Variants in HPS5 observed in about 807,000 individuals in gnomAD.
The protein encoded by HPS5 is HPS5 biogenesis of lysosomal organelles complex 2 subunit 2.
In HPS5, 83 loss-of-function variants were observed where a neutral mutation model predicts 128.0. That is an observed-to-expected ratio of 0.65 (90% CI 0.54 to 0.78). HPS5 has a LOEUF of 0.78. HPS5 is among the 30% of genes least tolerant of loss of function. The pLI is 0.00. For synonymous variants in HPS5, 475 were observed against 470.2 expected (o/e 1.01, Z -0.13); for missense variants, 1,281 against 1,326.2 (o/e 0.97, Z 0.53).
intron 8 of HPS5, among the ~76,000 whole-genome samples, chr11:18,304,264 T>C (rs371104122): frequency 1.3e-5 from 2 of 151,748 alleles, no homozygotes; most frequent in African/African-American, 4.8e-5. Context: ...TGGCCCAGGC[T>C]GGAGTGCAAT....
chr11:18,310,847 C>T lies in HPS5; in HGVS notation c.371G>A (p.Arg124Gln), dbSNP rs1397165287. 2 of 1,613,056 alleles carry T rather than the reference C, an allele frequency of 1.2e-6. 1 individual carries two copies. The highest frequency in any genetic ancestry group is 2.2e-5 in the South Asian group (2 of 91,024). ...QMYVSSEHKG[R>Q]RVTALCWDTA... ...ATCCCAGCAGAGAGCTGTGACTCTT[C>T]GGCCTTTGTGTTCTGAAGACACATA... is the stretch of plus-strand genomic sequence containing the variant. The change falls in exon 5 of 23, where the codon CGA (arginine) becomes CAA (glutamine). Residue 124 changes from arginine (R) to glutamine (Q), a missense_variant. Coordinates refer to ENST00000349215, the MANE Select transcript of HPS5 (RefSeq NM_181507.2).
intron 22 of HPS5, 33 bp downstream of exon 22, chr11:18,281,917 C>G: frequency 1.9e-6 from 3 of 1,613,516 alleles, no homozygotes; most frequent in Non-Finnish European, 2.5e-6. Flanking sequence ...CTTCTCCAAG[C>G]ACTATGCAGA....
intron 9 of HPS5, among the ~76,000 whole-genome samples, chr11:18,300,168 T>C (rs1357736344): frequency 1.3e-5 from 2 of 152,150 alleles, no homozygotes; most frequent in African/African-American, 4.8e-5. Context: ...ACATGGTAGA[T>C]ATGCTAACCA....
chr11:18,298,250 G>A (rs1285648378), intron 10 of HPS5, among the ~76,000 whole-genome samples: 1 of 151,948 alleles, frequency 6.6e-6, no homozygotes, highest in African/African-American at 2.4e-5. Flanking sequence ...CCCACACTTT[G>A]GGAGGCCAAA....
Position 18,287,665 on chromosome 11 carries a change from C to T in HPS5, c.2587G>A (p.Ala863Thr), listed in dbSNP as rs1859907242. The T allele has an allele frequency of 6.2e-7, 1 of 1,614,030 alleles. No homozygotes were observed. The highest frequency in any genetic ancestry group is 2.2e-5 in the East Asian group (1 of 44,892). ...AAGAACTTGATTAAGGATCGAAGAG[C>T]AGACTCCCCAAACTTTTCATACAAC... ...TRLYEKFGES[A>T]LRSLIKFFPS... is the part of the protein sequence containing the mutation. Residue 863 changes from alanine to threonine, a missense_variant, in exon 18 of 23, where the codon GCT becomes ACT. Coordinates refer to ENST00000349215, the MANE Select transcript of HPS5 (RefSeq NM_181507.2).
In HPS5 at chr11:18,291,710, A is replaced by G; in HGVS notation, c.2172T>C (p.Cys724=). 1 of 1,614,232 alleles carries G rather than the reference A, an allele frequency of 6.2e-7. No individual in the cohort carries two copies. The change falls in exon 16 of 23, where the codon TGT becomes TGC. Residue 724 remains cysteine (C), a synonymous_variant. Transcript: ENST00000349215. ...RESLDDLFQI[C]SPCAIASGLR... ...GACCACTTGCAATGGCGCATGGAGA[A>G]CATATTTGAAACAGGTCATCCAAAG...
rs769631897 is a variant in HPS5, at chr11:18,300,837, C to T, written c.976G>A (p.Glu326Lys). 6.5e-6 allele frequency: 10 copies of T among 1,530,746 alleles called. No individual in the cohort carries two copies. In the South Asian group the frequency reaches 9.0e-5, roughly 14 times the overall value. The allele number at this position is 1,530,746 out of a possible 1,614,324, so 94.8% of individuals were successfully genotyped here. A position where few individuals can be genotyped will look rare whatever the true frequency, so the allele number is the denominator to read the frequency against. ...PQNVQVLLWS[E>K]VKDIQDVAVC... ...AGAAAAATATAATTACCTTTGACTT[C>T]ACTCCAAAGAAGAACTTGAACATTC... Residue 326 changes from glutamate to lysine, a missense_variant, in exon 9 of 23, where the codon GAA (glutamate) becomes AAA (lysine). Transcript: ENST00000349215.
In HPS5 at chr11:18,311,911, T is replaced by TA; in HGVS notation, c.219+2dup. 6.3e-7 allele frequency: 1 copy of TA among 1,589,598 alleles called. No homozygotes were observed. Among genetic ancestry groups the TA allele is most frequent in the Non-Finnish European group, 8.6e-7 (1 of 1,157,692 alleles). ...TGTATGACAGAGCTGCCCTTAATCT[T>TA]ACCCTGTGTGAAAGAAAAAGCCTGT... On this transcript the variant is annotated splice_region_variant and intron_variant, in intron 3 of 22. Coordinates refer to ENST00000349215, the MANE Select transcript of HPS5 (RefSeq NM_181507.2).
Position 18,296,920 on chromosome 11 carries a change from G to A in HPS5, c.1388C>T (p.Ser463Leu), listed in dbSNP as rs200162069. 66 of 1,609,278 alleles carry A rather than the reference G, an allele frequency of 4.1e-5. 1 individual carries two copies. Among genetic ancestry groups the A allele is most frequent in the Non-Finnish European group, 5.4e-5 (63 of 1,176,290 alleles). ...RIISSRRGSQ[S>L]DEDSCSLHSQ... ...GTGAAGGGAGCAAGAGTCTTCATCT[G>A]ACTGACTGCCTCTTCTACTACTAAT... Residue 463 changes from serine to leucine, a missense_variant, in exon 12 of 23, where the codon TCA becomes TTA. Transcript: ENST00000349215.
At chr11:18,290,338 C>T (rs1322192476) in intron 16 of HPS5, among the ~76,000 whole-genome samples, 1 of 152,204 alleles carries the variant, frequency 6.6e-6, no homozygotes, top group African/African-American at 2.4e-5. Flanking sequence ...ATATTTATTA[C>T]AGCAGTTTAG....
chr11:18,289,909 A>G (rs1407524118), intron 16 of HPS5, among the ~76,000 whole-genome samples: 1 of 152,250 alleles, frequency 6.6e-6, no homozygotes, highest in Non-Finnish European at 1.5e-5. Context: ...ACCTTCCGCC[A>G]AGGTAGATAC....
intron 17 of HPS5, 76 bp from the exon 18 acceptor site, chr11:18,287,766 T>A: frequency 1.9e-6 from 3 of 1,590,004 alleles, no homozygotes; most frequent in Non-Finnish European, 2.6e-6. Context: ...AGGTTACTTA[T>A]TACAAATGAA....
Position 18,287,676 on chromosome 11 carries a change from A to G in HPS5, c.2576T>C (p.Phe859Ser). ...VVYATRLYEK[F>S]GESALRSLIK... ...TAAGGATCGAAGAGCAGACTCCCCA[A>G]ACTTTTCATACAACCTGCATTTAAA... The change falls in exon 18 of 23, where the codon TTT becomes TCT. Residue 859 changes from phenylalanine to serine, a missense_variant. Coordinates refer to ENST00000349215, the MANE Select transcript of HPS5 (RefSeq NM_181507.2). 6.2e-7 allele frequency: 1 copy of G among 1,614,172 alleles called. No homozygotes were observed. Among genetic ancestry groups the G allele is most frequent in the South Asian group, 1.1e-5 (1 of 91,084 alleles).
rs759068006 is a variant in HPS5 at position 18,279,849 on chromosome 11, A to C, written c.*33T>G. The C allele has an allele frequency of 1.9e-6, 3 of 1,603,380 alleles. No homozygotes were observed. Among genetic ancestry groups the C allele is most frequent in the Non-Finnish European group, 2.6e-6 (3 of 1,170,266 alleles). On this transcript the variant is annotated 3_prime_UTR_variant, in exon 23 of 23. Transcript: ENST00000349215. Reference sequence around the variant, plus strand: ...CAGGAGCATGATTTAGTTTTTCTCAAAATGTCATGACATCCTGCTGAATCT... The same window carrying C: ...CAGGAGCATGATTTAGTTTTTCTCACAATGTCATGACATCCTGCTGAATCT...
intron 22 of HPS5, 72 bp from the exon 23 acceptor site, chr11:18,280,014 TAC>T (rs1164365213): frequency 6.8e-7 from 1 of 1,471,712 alleles, no homozygotes; most frequent in Non-Finnish European, 9.5e-7. Flanking sequence ...ACTTAAAAAC[TAC>T]AGAGTTTCAG....
At chr11:18,280,245 T>C (rs1243489463) in intron 22 of HPS5, among the ~76,000 whole-genome samples, 1 of 152,206 alleles carries the variant, frequency 6.6e-6, no homozygotes, top group Non-Finnish European at 1.5e-5. Flanking sequence ...AAGACAATTA[T>C]ATAAATGGTC....
At chr11:18,295,924 T>A in intron 13 of HPS5, 75 bp downstream of exon 13, 1 of 1,464,246 alleles carries the variant, frequency 6.8e-7, no homozygotes. Flanking sequence ...TTTTCCATTC[T>A]CAGCACAAAT....
In HPS5 at chr11:18,306,239, G is replaced by A; in HGVS notation, c.720C>T (p.Arg240=). The change falls in exon 7 of 23, where the codon CGC becomes CGT. Residue 240 remains arginine, a synonymous_variant. Transcript: ENST00000349215. ...TCACTTCCCACATCCTAGAGCCTGG[G>A]CGAGCACAATATATCAGAGGTTGCT... ...GGQQPLIYCA[R]PGSRMWEVNF... is the part of the protein sequence containing the mutation. 1 of 1,614,058 alleles carries A rather than the reference G, an allele frequency of 6.2e-7. No individual in the cohort carries two copies. Among genetic ancestry groups the A allele is most frequent in the African/African-American group, 1.3e-5 (1 of 75,020 alleles).
chr11:18,316,245 G>C (rs1863611834), intron 2 of HPS5, among the ~76,000 whole-genome samples: 1 of 151,932 alleles, frequency 6.6e-6, no homozygotes, highest in Non-Finnish European at 1.5e-5. Context: ...CAGTGAGCTA[G>C]GATCTCCCCA....
Sources: allele counts gnomAD v4.1 joint callset (sites outside exome capture counted in the v4.1 genomes callset), GRCh38; gene constraint gnomAD v4.1.1; transcripts MANE v1.5; gene names NCBI Gene and HGNC (gene_info 2026-07-23, HGNC 2026-07-21).